The following RBFOX1 variants were observed in gnomAD, a reference collection of about 807,000 sequenced individuals.
The protein encoded by RBFOX1 is RNA binding fox-1 homolog 1.
Under a neutral mutation model 57.7 loss-of-function variants are expected in RBFOX1, and 8 were observed. The ratio of observed to expected loss-of-function variants is 0.14; its 90% CI spans 0.08 to 0.25. The LOEUF is 0.25. RBFOX1 is among the 10% of genes least tolerant of loss of function. RBFOX1 has a pLI of 1.00. For synonymous variants in RBFOX1, 326 were observed against 222.4 expected (o/e 1.47, Z -4.15); for missense variants, 611 against 548.5 (o/e 1.11, Z -1.14).
At chr16:5,381,836 A>C (rs1217747564) in intron 1 of RBFOX1, among the ~76,000 whole-genome samples, 1 of 152,238 alleles carries the variant, frequency 6.6e-6, no homozygotes, top group Non-Finnish European at 1.5e-5. Context: ...AAGCTCCCTC[A>C]AGGTCTTGCA....
intron 3 of RBFOX1, among the ~76,000 whole-genome samples, chr16:6,869,507 C>T (rs931537934): frequency 3.3e-5 from 5 of 150,810 alleles, no homozygotes; most frequent in Non-Finnish European, 7.4e-5. Context: ...CTGAGTTTTT[C>T]AACACATATA....
At position 6,625,404 on chromosome 16, in the gene RBFOX1, G is replaced by A. The variant is rs189653119; in HGVS notation, c.-63-29199G>A. ...GAATCAGTGAATGACTGCATAGATGGCATGTATAGGTGTCAAGTAAAAATC... is the reference window on the plus strand; with the variant it reads ...GAATCAGTGAATGACTGCATAGATGACATGTATAGGTGTCAAGTAAAAATC... On this transcript the variant is annotated intron_variant, in intron 2 of 15. Coordinates refer to ENST00000550418, the MANE Select transcript of RBFOX1 (RefSeq NM_018723.4). Among the ~76,000 whole-genome samples, 585 of 152,268 alleles carry A rather than the reference G, an allele frequency of 3.8e-3. 8 individuals are homozygous for A. The highest frequency in any genetic ancestry group is 0.013 in the African/African-American group (537 of 41,550).
At chr16:6,494,915 G>C (rs1413248122) in intron 2 of RBFOX1, among the ~76,000 whole-genome samples, 3 of 152,164 alleles carry the variant, frequency 2.0e-5, no homozygotes, top group Non-Finnish European at 2.9e-5. Context: ...TTCTAAGCCT[G>C]TTATGTATGC....
At chr16:6,141,191 G>A (rs1293008315) in intron 1 of RBFOX1, among the ~76,000 whole-genome samples, 2 of 152,142 alleles carry the variant, frequency 1.3e-5, no homozygotes, top group Admixed American at 1.3e-4. Context: ...CATCACCATG[G>A]CCGCTGCTTT....
At chr16:7,634,327 C>G (rs1302875448) in intron 11 of RBFOX1, among the ~76,000 whole-genome samples, 1 of 151,320 alleles carries the variant, frequency 6.6e-6, no homozygotes, top group East Asian at 1.9e-4. Flanking sequence ...AACTCTGGAG[C>G]TTCGTTTTTG....
intron 4 of RBFOX1, among the ~76,000 whole-genome samples, chr16:7,302,852 A>C (rs1366007909): frequency 2.0e-5 from 3 of 152,062 alleles, no homozygotes; most frequent in Non-Finnish European, 4.4e-5. Context: ...GAAATCTACT[A>C]ATGAATAATT....
At chr16:6,424,193 T>A (rs952196162) in intron 2 of RBFOX1, among the ~76,000 whole-genome samples, 1 of 152,148 alleles carries the variant, frequency 6.6e-6, no homozygotes, top group Non-Finnish European at 1.5e-5. Context: ...GAGCTAAGAT[T>A]GCACCACTGC....
rs35407844 is a variant in RBFOX1, at chr16:6,539,806, G to GACACACACACACAC, written c.-63-114779_-63-114766dup. 4.0e-3 allele frequency among the ~76,000 whole-genome samples: 540 copies of GACACACACACACAC among 136,284 alleles called. 22 individuals carry two copies. Among genetic ancestry groups the GACACACACACACAC allele is most frequent in the Admixed American group, 0.017 (226 of 13,614 alleles). 89.4% of individuals were successfully genotyped at this position (136,284 alleles called of 152,430 possible). On this transcript the variant is annotated intron_variant, in intron 2 of 15. Transcript: ENST00000550418. The stretch of plus-strand genomic sequence containing the variant: ...GACTGAGGCTGCATCTCAAAACACA[G>GACACACACACACAC]ACACACACACACACACACACACACA...
chr16:7,497,920 G>A (rs1384147352), intron 4 of RBFOX1, among the ~76,000 whole-genome samples: 2 of 152,218 alleles, frequency 1.3e-5, no homozygotes, highest in African/African-American at 4.8e-5. Flanking sequence ...CATCTTTGCA[G>A]AAAGCTGCCC....
At chr16:6,955,242 G>GAAGAAAAA (rs202164968) in intron 3 of RBFOX1, among the ~76,000 whole-genome samples, 2 of 151,648 alleles carry the variant, frequency 1.3e-5, no homozygotes, top group Non-Finnish European at 2.9e-5. Context: ...CCTTGTCTGG[G>GAAGAAAAA]AAGAAAAAAA....
chr16:7,015,584 AT>A (rs2093871138), intron 3 of RBFOX1, among the ~76,000 whole-genome samples: 1 of 152,114 alleles, frequency 6.6e-6, no homozygotes, highest in African/African-American at 2.4e-5. Context: ...TTATTCTGAG[AT>A]TTTGGCTTAT....
chr16:7,707,734 C>G (rs753721693), intron 14 of RBFOX1, among the ~76,000 whole-genome samples: 1 of 152,170 alleles, frequency 6.6e-6, no homozygotes, highest in African/African-American at 2.4e-5. Flanking sequence ...ATTAAAAAGC[C>G]AACCCACTTG....
At chr16:6,805,555 C>G (rs1335527537) in intron 3 of RBFOX1, among the ~76,000 whole-genome samples, 1 of 149,830 alleles carries the variant, frequency 6.7e-6, no homozygotes, top group East Asian at 1.9e-4. Context: ...AAAAAATTCT[C>G]ACTTCAGTTA....
intron 3 of RBFOX1, among the ~76,000 whole-genome samples, chr16:6,798,886 C>A (rs2084715729): frequency 6.6e-6 from 1 of 152,070 alleles, no homozygotes; most frequent in East Asian, 1.9e-4. Context: ...CTCTTCCTTT[C>A]TGTAGAGGTT....
intron 4 of RBFOX1, among the ~76,000 whole-genome samples, chr16:7,369,610 C>T (rs993242270): frequency 7.2e-5 from 11 of 152,102 alleles, no homozygotes; most frequent in African/African-American, 2.2e-4. Flanking sequence ...TATCTCAATA[C>T]TTTTGTCTGG....
At chr16:7,333,619 G>C (rs1306584934) in intron 4 of RBFOX1, among the ~76,000 whole-genome samples, 1 of 152,194 alleles carries the variant, frequency 6.6e-6, no homozygotes, top group Non-Finnish European at 1.5e-5. Flanking sequence ...AATTTATGAA[G>C]CTCAGAGATT....
At chr16:6,209,938 A>G (rs975616724) in intron 1 of RBFOX1, among the ~76,000 whole-genome samples, 29 of 152,050 alleles carry the variant, frequency 1.9e-4, no homozygotes, top group Non-Finnish European at 3.4e-4. Flanking sequence ...AAGAGCTTGT[A>G]TTTCTGTCTC....
At chr16:5,925,900 C>G (rs2058930819) in intron 4 of RBFOX1, among the ~76,000 whole-genome samples, 1 of 152,142 alleles carries the variant, frequency 6.6e-6, no homozygotes, top group East Asian at 1.9e-4. Flanking sequence ...AATCGAACTT[C>G]TAAACCTGAT....
intron 1 of RBFOX1, among the ~76,000 whole-genome samples, chr16:6,292,505 C>T (rs1437612326): frequency 6.6e-6 from 1 of 151,948 alleles, no homozygotes; most frequent in African/African-American, 2.4e-5. Flanking sequence ...CTGAAAGCAG[C>T]CTCTTAATAT....
Sources: gnomAD v4.1 joint callset for allele counts (sites outside exome capture counted in the v4.1 genomes callset) on GRCh38, gnomAD v4.1.1 for gene constraint, MANE v1.5 for transcripts, NCBI Gene and HGNC (gene_info 2026-07-23, HGNC 2026-07-21) for gene names.